The following ZNF410 variants were observed in gnomAD, a reference collection of about 807,000 sequenced individuals.
The protein encoded by ZNF410 is another partner for ARF 1.
A neutral mutation model predicts 54.8 loss-of-function variants in ZNF410; 18 were observed. That is an observed-to-expected ratio of 0.33 (90% CI 0.23 to 0.49). The LOEUF (loss-of-function observed/expected upper bound fraction) is 0.49. Ranked by LOEUF, ZNF410 falls within the 20% of genes least tolerant of loss-of-function variation. ZNF410 has a pLI of 0.99. For missense variants in ZNF410, 405 were observed against 569.6 expected, an observed-to-expected ratio of 0.71 and a Z score of 2.94; for synonymous variants, 191 against 207.3, an observed-to-expected ratio of 0.92 and a Z score of 0.68.
chr14:73,924,311 G>A (rs2055797009), intron 11 of ZNF410, among the ~76,000 whole-genome samples: 1 of 152,162 alleles, frequency 6.6e-6, no homozygotes, highest in Admixed American at 6.5e-5. Flanking sequence ...AGGAGAGGTG[G>A]AGCTCAGGTG....
intron 7 of ZNF410, among the ~76,000 whole-genome samples, chr14:73,908,766 T>A (rs1013873757): frequency 7.9e-5 from 12 of 152,206 alleles, no homozygotes; most frequent in African/African-American, 2.9e-4. Flanking sequence ...CTTTTTTTTG[T>A]ATTTATGAAT....
intron 8 of ZNF410, among the ~76,000 whole-genome samples, chr14:73,919,204 C>T (rs2055718728): frequency 6.6e-6 from 1 of 151,298 alleles, no homozygotes; most frequent in African/African-American, 2.4e-5. Context: ...ACTATGTTGG[C>T]CGGGCTGGTC....
intron 8 of ZNF410, chr14:73,913,379 C>T (rs538164534): frequency 6.6e-6 from 1 of 152,246 alleles, no homozygotes; most frequent in Non-Finnish European, 1.5e-5. Context: ...CCAGACACCC[C>T]CTCTTCCAGA....
At chr14:73,891,066 T>C (rs2055221683) in intron 1 of ZNF410, among the ~76,000 whole-genome samples, 2 of 150,278 alleles carry the variant, frequency 1.3e-5, no homozygotes, top group Admixed American at 6.7e-5. Flanking sequence ...AGCACTACCT[T>C]TGGGAAACGC....
chr14:73,905,936 C>CAT (rs72062103), intron 7 of ZNF410, among the ~76,000 whole-genome samples: 7,174 of 129,910 alleles, frequency 0.055, 380 homozygotes, highest in African/African-American at 0.12. Context: ...CACATACATA[C>CAT]ATATATATAC....
At position 73,931,895 on chromosome 14, in the gene ZNF410, C is replaced by A; in HGVS notation, c.*354C>A. The A allele has an allele frequency of 6.6e-6, 3 of 454,090 alleles. No individual in the cohort carries two copies. Among genetic ancestry groups the A allele is most frequent in the Non-Finnish European group, 4.4e-6 (1 of 225,522 alleles). The allele number at this position is 454,090 out of a possible 1,614,324, so 28.1% of individuals were successfully genotyped here. Reference sequence around the variant, plus strand: ...GTTTTCCTTTGAAGAGTTTTCATCCCAGACTCAGCTGTCTTTTCACATGGA... The same window carrying A: ...GTTTTCCTTTGAAGAGTTTTCATCCAAGACTCAGCTGTCTTTTCACATGGA... On this transcript the variant is annotated 3_prime_UTR_variant, in exon 12 of 12. Coordinates refer to ENST00000555044, the MANE Select transcript of ZNF410 (RefSeq NM_021188.3).
chr14:73,897,742 C>T (rs1718506173), intron 4 of ZNF410, among the ~76,000 whole-genome samples: 1 of 151,896 alleles, frequency 6.6e-6, no homozygotes, highest in Non-Finnish European at 1.5e-5. Context: ...GGGAGGCCGA[C>T]GTGGGCGAAT....
chr14:73,920,827 T>C, intron 8 of ZNF410, 153 bp from the exon 9 acceptor site: 1 of 892,330 alleles, frequency 1.1e-6, no homozygotes, highest in Non-Finnish European at 1.7e-6. Context: ...TTCCCCCATA[T>C]ACTGAAGTTT....
chr14:73,903,148 A>T lies in ZNF410; in HGVS notation c.581-812A>T, dbSNP rs115206742. The stretch of plus-strand genomic sequence containing the variant: ...GGGATTTTTTGTTTGTTTGTTTTTG[A>T]AACAGGGTCTTACTCTGTTGCCCAG... On this transcript the variant is annotated intron_variant, in intron 5 of 11. Transcript: ENST00000555044. Among the ~76,000 whole-genome samples, 1,103 of 152,276 alleles carry T rather than the reference A, an allele frequency of 7.2e-3. 12 individuals are homozygous for T. The highest frequency in any genetic ancestry group is 0.025 in the African/African-American group (1,049 of 41,564).
intron 4 of ZNF410, 56 bp downstream of exon 4, chr14:73,896,590 G>T: frequency 1.4e-6 from 2 of 1,392,072 alleles, no homozygotes. Flanking sequence ...ATTAGGGGTG[G>T]GGCATATTTA....
intron 1 of ZNF410, among the ~76,000 whole-genome samples, chr14:73,889,350 T>A (rs74337992): frequency 0.075 from 11,335 of 150,930 alleles, 870 homozygotes; most frequent in East Asian, 0.44. Flanking sequence ...ATTGAAAAAT[T>A]TTTTTTTGTA....
intron 3 of ZNF410, chr14:73,896,041 A>C: frequency 2.4e-6 from 1 of 418,148 alleles, no homozygotes; most frequent in South Asian, 3.5e-5. Flanking sequence ...AAAGGACTAA[A>C]TTCTGTGATG....
At chr14:73,898,454 T>G (rs1482531154) in intron 5 of ZNF410, 192 bp downstream of exon 5, 1 of 635,562 alleles carries the variant, frequency 1.6e-6, no homozygotes. Flanking sequence ...CAAAACCAAC[T>G]AGTATTCTGA....
intron 1 of ZNF410, among the ~76,000 whole-genome samples, chr14:73,889,341 T>C (rs1043162328): frequency 1.2e-4 from 18 of 150,842 alleles, no homozygotes; most frequent in African/African-American, 4.4e-4. Flanking sequence ...GTGATGCTAA[T>C]TGAAAAATTT....
At chr14:73,892,244 G>A in intron 2 of ZNF410, 36 bp downstream of exon 2, 1 of 1,607,862 alleles carries the variant, frequency 6.2e-7, no homozygotes, top group Non-Finnish European at 8.5e-7. Context: ...TTCTTTTGGT[G>A]GGCTATATTT....
chr14:73,902,715 A>T (rs887332160), intron 5 of ZNF410, among the ~76,000 whole-genome samples: 10 of 152,168 alleles, frequency 6.6e-5, no homozygotes, highest in Non-Finnish European at 5.9e-5. Flanking sequence ...ATGACTATTA[A>T]TTTTTTTCTC....
At chr14:73,889,337 C>T (rs555727483) in intron 1 of ZNF410, among the ~76,000 whole-genome samples, 1 of 145,762 alleles carries the variant, frequency 6.9e-6, no homozygotes, top group African/African-American at 2.5e-5. Context: ...CCATGTGATG[C>T]TAATTGAAAA....
chr14:73,925,557 AG>A (rs1418941719), intron 11 of ZNF410, among the ~76,000 whole-genome samples: 1 of 151,958 alleles, frequency 6.6e-6, no homozygotes, highest in Admixed American at 6.6e-5. Context: ...TCTCCTGAAT[AG>A]CTGGGATTGC....
intron 3 of ZNF410, 140 bp downstream of exon 3, chr14:73,894,072 C>T (rs1041032548): frequency 1.8e-6 from 2 of 1,088,632 alleles, no homozygotes; most frequent in African/African-American, 3.2e-5. Context: ...GAAAAAGCAA[C>T]CATGAAATCA....
Sources: gnomAD v4.1 joint callset for allele counts (sites outside exome capture counted in the v4.1 genomes callset) on GRCh38, gnomAD v4.1.1 for gene constraint, MANE v1.5 for transcripts, NCBI Gene and HGNC (gene_info 2026-07-23, HGNC 2026-07-21) for gene names.